The following SNX19 variants were observed in gnomAD, a reference collection of about 807,000 sequenced individuals.
SNX19 encodes sorting nexin 19.
Under a neutral mutation model 85.2 loss-of-function variants are expected in SNX19, and 60 were observed. That is an observed-to-expected ratio of 0.70 (90% CI 0.57 to 0.87). The LOEUF (loss-of-function observed/expected upper bound fraction) is 0.87, where lower values mean the gene tolerates loss of function less well. SNX19 is among the 40% of genes least tolerant of loss of function. The pLI is 0.00. For synonymous variants in SNX19, 520 were observed against 470.0 expected (o/e 1.11, Z -1.38); for missense variants, 1,201 against 1,217.8 (o/e 0.99, Z 0.21).
Position 130,877,676 on chromosome 11 carries a change from T to C in SNX19, c.*746A>G, listed in dbSNP as rs2135266640. 6.6e-6 allele frequency: 1 copy of C among 152,570 alleles called. No homozygotes were observed. The highest frequency in any genetic ancestry group is 1.9e-4 in the East Asian group (1 of 5,166). The allele number at this position is 152,570 out of a possible 1,614,324, so 9.5% of individuals were successfully genotyped here. On this transcript the variant is annotated 3_prime_UTR_variant, in exon 11 of 11. Transcript: ENST00000265909. ...TTGGGAGCAAAGCCAATAAATAAAA[T>C]GGGTGGTATAAATGCCTTTCAGGAA...
chr11:130,889,833 G>C (rs1944374629), intron 8 of SNX19, among the ~76,000 whole-genome samples: 1 of 152,108 alleles, frequency 6.6e-6, no homozygotes, highest in Admixed American at 6.5e-5. Flanking sequence ...TCATGGCACA[G>C]AAAATTTAAA....
At chr11:130,878,652 C>T (rs1210614329) in intron 10 of SNX19, 98 bp from the exon 11 acceptor site, 6 of 1,410,524 alleles carry the variant, frequency 4.3e-6, no homozygotes, top group Non-Finnish European at 4.8e-6. Flanking sequence ...CACCGACACC[C>T]TAAACTTCAA....
At chr11:130,905,706 A>G in intron 7 of SNX19, 1 of 1,532,834 alleles carries the variant, frequency 6.5e-7, no homozygotes, top group South Asian at 1.2e-5. Flanking sequence ...TATTATCAGC[A>G]TGATCTCATC....
At chr11:130,903,198 C>T (rs1453925341) in intron 8 of SNX19, 57 bp downstream of exon 8, 13 of 1,607,040 alleles carry the variant, frequency 8.1e-6, no homozygotes, top group Admixed American at 3.4e-5. Context: ...TTCAGCATCA[C>T]ATCCACCTTC....
At chr11:130,906,872 G>A (rs966735025) in intron 5 of SNX19, 151 bp from the exon 6 acceptor site, 7 of 628,186 alleles carry the variant, frequency 1.1e-5, no homozygotes, top group Middle Eastern at 2.6e-4. Context: ...GGAAAGACTC[G>A]GCCCTGCAAT....
intron 8 of SNX19, among the ~76,000 whole-genome samples, chr11:130,881,968 T>C (rs1025300429): frequency 1.3e-5 from 2 of 152,240 alleles, no homozygotes; most frequent in Admixed American, 1.3e-4. Flanking sequence ...GACTGACTGA[T>C]AACTGTTCTT....
At position 130,915,840 on chromosome 11, in the gene SNX19, C is replaced by T. The variant is rs762994194; in HGVS notation, c.100G>A (p.Val34Ile). The change falls in exon 1 of 11, where the codon GTC becomes ATC. Residue 34 changes from valine (V) to isoleucine (I), a missense_variant. Physicochemically the swap from Val to Ile is conservative, Grantham distance 29. This residue lies in a region of SNX19 where 791 missense variants were observed against 750.9 expected (regional missense o/e 1.05). Transcript: ENST00000265909. The stretch of plus-strand genomic sequence containing the variant: ...ATGACCAGGAGCCAGCCAAGCAAGA[C>T]CCCCACAGCCATCAGCTTCCGGCTA... The part of the protein sequence containing the change: ...LSSRKLMAVG[V>I]LLGWLLVIHL... 3 of 1,614,118 alleles carry T rather than the reference C, an allele frequency of 1.9e-6. No homozygotes were observed. Among genetic ancestry groups the T allele is most frequent in the African/African-American group, 2.7e-5 (2 of 74,938 alleles).
chr11:130,910,273 T>C lies in SNX19; in HGVS notation c.1911A>G (p.Leu637=). Residue 637 remains leucine (L), a synonymous_variant, in exon 3 of 11, where the codon CTA becomes CTG. Transcript: ENST00000265909. ...EARKSLLESF[L]KQLCAIPEIA... ...GCCAAAAGAGAAGGATGCTGACCTT[T>C]AGGAATGATTCTAGGAGGCTCTTAC... 1 of 1,613,450 alleles carries C rather than the reference T, an allele frequency of 6.2e-7. No individual in the cohort carries two copies. Among genetic ancestry groups the C allele is most frequent in the Non-Finnish European group, 8.5e-7 (1 of 1,179,794 alleles).
chr11:130,893,941 G>T, intron 8 of SNX19: 1 of 627,060 alleles, frequency 1.6e-6, no homozygotes, highest in South Asian at 1.8e-5. Context: ...GGAGAAGCCT[G>T]CAAGGACAGA....
intron 8 of SNX19, among the ~76,000 whole-genome samples, chr11:130,884,856 AGG>A (rs1418220012): frequency 7.3e-6 from 1 of 137,438 alleles, no homozygotes; most frequent in Non-Finnish European, 1.5e-5. Context: ...TGGGTGACAG[AGG>A]GAGACTCCAT....
At chr11:130,890,405 A>G (rs1421348825) in intron 8 of SNX19, among the ~76,000 whole-genome samples, 1 of 152,066 alleles carries the variant, frequency 6.6e-6, no homozygotes, top group African/African-American at 2.4e-5. Flanking sequence ...CCTCCACAGC[A>G]CTATTTAAAT....
chr11:130,901,277 GA>G (rs1945241663), intron 8 of SNX19, among the ~76,000 whole-genome samples: 1 of 152,040 alleles, frequency 6.6e-6, no homozygotes, highest in African/African-American at 2.4e-5. Flanking sequence ...ACTAGTGTAG[GA>G]AAAGCAGATC....
chr11:130,876,706 A>G lies in SNX19; in HGVS notation c.*1716T>C, dbSNP rs1312935752. On this transcript the variant is annotated 3_prime_UTR_variant, in exon 11 of 11. Coordinates refer to ENST00000265909, the MANE Select transcript of SNX19 (RefSeq NM_014758.3). ...CTGAAGGAGCTTAATGATCAGCTCT[A>G]ATACATTGGCTGGACTCCTGCAGGT... is the stretch of plus-strand genomic sequence containing the variant. 1 of 152,662 alleles carries G rather than the reference A, an allele frequency of 6.6e-6. No homozygotes were observed. The highest frequency in any genetic ancestry group is 2.4e-5 in the African/African-American group (1 of 41,466). The allele number at this position is 152,662 out of a possible 1,614,324, so 9.5% of individuals were successfully genotyped here.
At chr11:130,908,224 G>A (rs992785711) in intron 4 of SNX19, 141 bp from the exon 5 acceptor site, 3 of 840,488 alleles carry the variant, frequency 3.6e-6, no homozygotes, top group East Asian at 2.9e-5. Flanking sequence ...CCAGTAGGAA[G>A]GTCGAATACC....
intron 8 of SNX19, among the ~76,000 whole-genome samples, chr11:130,888,853 T>C (rs1020502809): frequency 6.6e-6 from 1 of 152,226 alleles, no homozygotes; most frequent in Non-Finnish European, 1.5e-5. Context: ...GGTTACGTGC[T>C]CTATTATTAT....
intron 8 of SNX19, among the ~76,000 whole-genome samples, chr11:130,883,245 C>G (rs1340587981): frequency 6.6e-6 from 1 of 152,058 alleles, no homozygotes; most frequent in East Asian, 1.9e-4. Flanking sequence ...TAAAAATAAG[C>G]ACCTGATGAT....
intron 10 of SNX19, 105 bp from the exon 11 acceptor site, chr11:130,878,659 TC>T: frequency 7.4e-7 from 1 of 1,347,290 alleles, no homozygotes; most frequent in South Asian, 1.6e-5. Flanking sequence ...ACCCTAAACT[TC>T]AATAGCTTGA....
In SNX19 at chr11:130,915,982, G is replaced by T. The variant is rs1165149789; in HGVS notation, c.-43C>A. ...GGCTTCCCCAGATGACAGCCCTCAA[G>T]ATTTTACTTCAGAGTTAGGGAAGGG... On this transcript the variant is annotated 5_prime_UTR_variant, in exon 1 of 11. Coordinates refer to ENST00000265909, the MANE Select transcript of SNX19 (RefSeq NM_014758.3). 3 of 1,551,434 alleles carry T rather than the reference G, an allele frequency of 1.9e-6. No homozygotes were observed. The highest frequency in any genetic ancestry group is 2.6e-6 in the Non-Finnish European group (3 of 1,138,538).
chr11:130,915,048 C>T lies in SNX19; in HGVS notation c.892G>A (p.Glu298Lys), dbSNP rs757952791. Residue 298 changes from glutamate to lysine, a missense_variant, in exon 1 of 11, where the codon GAG becomes AAG. Physicochemically the swap from Glu to Lys is moderately conservative, Grantham distance 56. Transcript: ENST00000265909. ...GAAGCTCTCCCTTCTGGAAGCTGCT[C>T]TACCTCAGCAATCAGTGGCAGAGAT... The part of the protein sequence containing the change: ...PTSLPLIAEV[E>K]QLPEGRASPV... 6.2e-7 allele frequency: 1 copy of T among 1,614,170 alleles called. No homozygotes were observed. The highest frequency in any genetic ancestry group is 1.1e-5 in the South Asian group (1 of 91,086).
Sources: gnomAD v4.1 joint callset for allele counts (sites outside exome capture counted in the v4.1 genomes callset) on GRCh38, gnomAD v4.1.1 for gene constraint, gnomAD v4.1.1 regional missense constraint, MANE v1.5 for transcripts, NCBI Gene and HGNC (gene_info 2026-07-23, HGNC 2026-07-21) for gene names.